Variants in OSBPL1A observed in about 807,000 individuals in gnomAD.
The protein encoded by OSBPL1A is oxysterol-binding protein-related protein 1.
In OSBPL1A, 80 loss-of-function variants were observed where a neutral mutation model predicts 137.1. The observed-to-expected ratio is 0.58, with a 90% CI of 0.49 to 0.70. The LOEUF (loss-of-function observed/expected upper bound fraction) is 0.70. Ranked by LOEUF, OSBPL1A falls within the 30% of genes least tolerant of loss-of-function variation. The pLI, the probability that OSBPL1A is intolerant of heterozygous loss-of-function variation, is 0.00. For missense variants in OSBPL1A, 970 were observed against 1,129.4 expected, an observed-to-expected ratio of 0.86 and a Z score of 2.02; for synonymous variants, 365 against 389.7, an observed-to-expected ratio of 0.94 and a Z score of 0.75.
chr18:24,352,486 C>T (rs538442273), intron 4 of OSBPL1A, among the ~76,000 whole-genome samples: 3 of 152,304 alleles, frequency 2.0e-5, no homozygotes, highest in African/African-American at 7.2e-5. Flanking sequence ...AATGGTCATA[C>T]TGCCCAAGGT....
intron 17 of OSBPL1A, chr18:24,218,242 CA>C (rs997019345): frequency 4.6e-5 from 7 of 151,838 alleles, no homozygotes; most frequent in Admixed American, 3.9e-4. Context: ...GGTTTAGAAG[CA>C]AAAAAGACTC....
At chr18:24,209,714 C>T (rs1025849921) in intron 17 of OSBPL1A, among the ~76,000 whole-genome samples, 14 of 152,088 alleles carry the variant, frequency 9.2e-5, no homozygotes, top group Non-Finnish European at 1.3e-4. Context: ...GAAAGAGCAA[C>T]GATATATACA....
At chr18:24,381,039 T>G (rs902008447) in intron 1 of OSBPL1A, among the ~76,000 whole-genome samples, 1 of 151,952 alleles carries the variant, frequency 6.6e-6, no homozygotes, top group African/African-American at 2.4e-5. Context: ...TCAGGCTGTT[T>G]AAAGAAAAAA....
At chr18:24,317,631 T>C (rs1252653629) in intron 9 of OSBPL1A, among the ~76,000 whole-genome samples, 1 of 152,226 alleles carries the variant, frequency 6.6e-6, no homozygotes, top group Non-Finnish European at 1.5e-5. Context: ...TCAATGATGA[T>C]TACAGTTTAT....
At chr18:24,297,276 C>A (rs1164348082) in intron 14 of OSBPL1A, among the ~76,000 whole-genome samples, 1 of 151,994 alleles carries the variant, frequency 6.6e-6, no homozygotes, top group Non-Finnish European at 1.5e-5. Flanking sequence ...TTAGTTTGTG[C>A]ATGTAAAGGT....
At chr18:24,246,548 T>C (rs553056755) in intron 15 of OSBPL1A, among the ~76,000 whole-genome samples, 1 of 152,190 alleles carries the variant, frequency 6.6e-6, no homozygotes, top group East Asian at 1.9e-4. Context: ...CCCAGCACTT[T>C]AGCAGGCAGA....
At position 24,172,497 on chromosome 18, in the gene OSBPL1A, C is replaced by G. The variant is rs1192496820; in HGVS notation, c.2094-14G>C. The G allele has an allele frequency of 2.5e-6, 4 of 1,577,004 alleles. No homozygotes were observed. In the Admixed American group the frequency reaches 6.7e-5, roughly 26 times the overall value. Reference sequence around the variant, plus strand: ...GCCTCATTGTGTCTAAAAAACAAAACCAAACCCAGAAGCATAAGTGAGAGG... The same window carrying G: ...GCCTCATTGTGTCTAAAAAACAAAAGCAAACCCAGAAGCATAAGTGAGAGG... On this transcript the variant is annotated splice_polypyrimidine_tract_variant and intron_variant, in intron 21 of 27. Coordinates refer to ENST00000319481, the MANE Select transcript of OSBPL1A (RefSeq NM_080597.4).
chr18:24,187,112 C>T (rs1295004294), intron 18 of OSBPL1A, among the ~76,000 whole-genome samples: 2 of 152,066 alleles, frequency 1.3e-5, no homozygotes, highest in African/African-American at 4.8e-5. Context: ...TTAGTCCACT[C>T]CTAAGTTCCA....
At chr18:24,179,641 C>T in intron 20 of OSBPL1A, 97 bp downstream of exon 20, 1 of 1,017,124 alleles carries the variant, frequency 9.8e-7, no homozygotes, top group Admixed American at 2.0e-5. Flanking sequence ...TTAACTTGCT[C>T]CAGTCCTATA....
chr18:24,286,844 C>T (rs1310109680), intron 14 of OSBPL1A, among the ~76,000 whole-genome samples: 1 of 152,172 alleles, frequency 6.6e-6, no homozygotes, highest in East Asian at 1.9e-4. Flanking sequence ...GTGGCAGGCA[C>T]CAGCTAAGTG....
chr18:24,254,033 G>A (rs2089192184), intron 15 of OSBPL1A, among the ~76,000 whole-genome samples: 1 of 152,188 alleles, frequency 6.6e-6, no homozygotes, highest in African/African-American at 2.4e-5. Flanking sequence ...CCCAAAGTTA[G>A]TCTGACCTAT....
intron 15 of OSBPL1A, among the ~76,000 whole-genome samples, chr18:24,270,013 T>C (rs1403495637): frequency 6.6e-6 from 1 of 152,228 alleles, no homozygotes. Flanking sequence ...CCAAAATTAA[T>C]TTGTAGCTAT....
intron 21 of OSBPL1A, among the ~76,000 whole-genome samples, chr18:24,175,120 A>ATATATACG (rs2086405623): frequency 7.7e-6 from 1 of 129,364 alleles, no homozygotes; most frequent in African/African-American, 3.5e-5. Flanking sequence ...ATATATATAT[A>ATATATACG]TATATATATA....
chr18:24,165,297 T>A (rs974009984), intron 26 of OSBPL1A, 142 bp from the exon 27 acceptor site: 2 of 771,620 alleles, frequency 2.6e-6, no homozygotes, highest in East Asian at 5.3e-5. Flanking sequence ...GAATCAAATA[T>A]CAAGCAAAAA....
chr18:24,271,510 C>CA lies in OSBPL1A; in HGVS notation c.1281+9331_1281+9332insT, dbSNP rs2089717001. ...CACACACGTCCAACTATTCTTGGAT[C>CA]TACTCACATCCCTGGATCAAGTCTG... is the stretch of plus-strand genomic sequence containing the variant. On this transcript the variant is annotated intron_variant, in intron 15 of 27. Transcript: ENST00000319481. The surrounding 1 kb of genome is among the most constrained non-coding windows in gnomAD (Gnocchi z 4.0). 1.0e-6 allele frequency: 1 copy of CA among 964,130 alleles called. No individual in the cohort carries two copies. Among genetic ancestry groups the CA allele is most frequent in the African/African-American group, 1.8e-5 (1 of 56,804 alleles). 59.7% of individuals were successfully genotyped at this position (964,130 alleles called of 1,614,324 possible).
chr18:24,316,945 A>G (rs2090747334), intron 11 of OSBPL1A, among the ~76,000 whole-genome samples: 2 of 152,240 alleles, frequency 1.3e-5, no homozygotes, highest in Admixed American at 6.5e-5. Context: ...ATGGAGATAA[A>G]TAAAAGTTAA....
At chr18:24,179,045 C>T (rs561246872) in intron 20 of OSBPL1A, 4 of 152,286 alleles carry the variant, frequency 2.6e-5, no homozygotes, top group Non-Finnish European at 5.9e-5. Context: ...ATAAGAGGGC[C>T]TCACTGTTGC....
At chr18:24,246,530 C>A (rs917791803) in intron 15 of OSBPL1A, among the ~76,000 whole-genome samples, 2 of 151,652 alleles carry the variant, frequency 1.3e-5, no homozygotes, top group Non-Finnish European at 2.9e-5. Context: ...GTGGCTCATA[C>A]CTGTAATCCC....
chr18:24,391,673 G>A (rs377056850), intron 1 of OSBPL1A, among the ~76,000 whole-genome samples: 1 of 151,976 alleles, frequency 6.6e-6, no homozygotes, highest in East Asian at 1.9e-4. Context: ...AGGCTGCAGT[G>A]AGCTAAGACC....
Sources: gnomAD v4.1 joint callset for allele counts (sites outside exome capture counted in the v4.1 genomes callset) on GRCh38, gnomAD v4.1.1 for gene constraint, Gnocchi (gnomAD v3.1) non-coding constraint, MANE v1.5 for transcripts, NCBI Gene and HGNC (gene_info 2026-07-23, HGNC 2026-07-21) for gene names.